Variants in AGAP1 observed in about 807,000 individuals in gnomAD.
AGAP1 encodes arf-GAP with GTPase, ANK repeat and PH domain-containing protein 1.
Under a neutral mutation model 105.3 loss-of-function variants are expected in AGAP1, and 29 were observed. The observed-to-expected ratio is 0.28, with a 90% CI of 0.21 to 0.38. The LOEUF (loss-of-function observed/expected upper bound fraction) is 0.38. AGAP1 is among the 10% of genes least tolerant of loss of function. AGAP1 has a pLI of 1.00. For synonymous variants in AGAP1, 509 were observed against 485.9 expected (o/e 1.05, Z -0.63); for missense variants, 998 against 1,165.1 (o/e 0.86, Z 2.09).
chr2:236,018,045 T>G (rs976416502), intron 13 of AGAP1, among the ~76,000 whole-genome samples: 4 of 152,178 alleles, frequency 2.6e-5, no homozygotes, highest in African/African-American at 9.7e-5. Flanking sequence ...CAAAAATATT[T>G]TATCTTTTGT....
At chr2:235,966,950 A>G (rs1023327390) in intron 12 of AGAP1, among the ~76,000 whole-genome samples, 2 of 152,216 alleles carry the variant, frequency 1.3e-5, no homozygotes, top group East Asian at 1.9e-4. Flanking sequence ...AAAATTTCCT[A>G]GAACTTCACA....
chr2:235,796,481 A>G (rs1575489541), intron 6 of AGAP1, among the ~76,000 whole-genome samples: 1 of 152,184 alleles, frequency 6.6e-6, no homozygotes, highest in Non-Finnish European at 1.5e-5. Context: ...AAATTAATTG[A>G]TATCATCCTT....
At chr2:235,584,836 GT>G (rs1945049560) in intron 1 of AGAP1, among the ~76,000 whole-genome samples, 1 of 146,100 alleles carries the variant, frequency 6.8e-6, no homozygotes, top group Non-Finnish European at 1.5e-5. Context: ...GCTTTTATTC[GT>G]TTTCTCAGCG....
chr2:235,832,478 C>T (rs1054763274), intron 9 of AGAP1, among the ~76,000 whole-genome samples: 4 of 152,280 alleles, frequency 2.6e-5, no homozygotes, highest in East Asian at 1.9e-4. Context: ...TCAACTCTTC[C>T]GATGAGATAA....
intron 14 of AGAP1, among the ~76,000 whole-genome samples, chr2:236,039,274 T>C (rs916754912): frequency 1.3e-5 from 2 of 152,028 alleles, no homozygotes; most frequent in Non-Finnish European, 2.9e-5. Context: ...GGGAGACCAT[T>C]GTCTCTACAA....
intron 9 of AGAP1, among the ~76,000 whole-genome samples, chr2:235,837,227 C>A (rs112851677): frequency 1.1e-4 from 16 of 152,114 alleles, no homozygotes; most frequent in Non-Finnish European, 1.5e-5. Flanking sequence ...TCAGGTGATC[C>A]GCCCACCTCG....
chr2:235,667,766 A>C (rs1373675568), intron 1 of AGAP1, among the ~76,000 whole-genome samples: 1 of 151,896 alleles, frequency 6.6e-6, no homozygotes, highest in Non-Finnish European at 1.5e-5. Context: ...CGAGACCAGC[A>C]TGACCAACAT....
rs1370505410 is a variant in AGAP1 at position 235,535,134 on chromosome 2, G to A, written c.163+40285G>A. On this transcript the variant is annotated intron_variant, in intron 1 of 17. Transcript: ENST00000304032. The surrounding 1 kb of genome is among the most constrained non-coding windows in gnomAD (Gnocchi z 5.1). ...CGCCAGGGCCAATACTTATCCGCAGGGGTGTGTGCCAGGCAGCCCAGGTCA... is the reference window on the plus strand; with the variant it reads ...CGCCAGGGCCAATACTTATCCGCAGAGGTGTGTGCCAGGCAGCCCAGGTCA... Among the ~76,000 whole-genome samples, 1 of 152,140 alleles carries A rather than the reference G, an allele frequency of 6.6e-6. No homozygotes were observed. Among genetic ancestry groups the A allele is most frequent in the African/African-American group, 2.4e-5 (1 of 41,430 alleles).
intron 11 of AGAP1, among the ~76,000 whole-genome samples, chr2:235,922,255 C>T (rs868473886): frequency 1.3e-5 from 2 of 152,278 alleles, no homozygotes; most frequent in African/African-American, 2.4e-5. Context: ...GAATTCTTGT[C>T]AATCATATTC....
intron 1 of AGAP1, among the ~76,000 whole-genome samples, chr2:235,561,739 T>C (rs577971404): frequency 6.6e-6 from 1 of 152,360 alleles, no homozygotes; most frequent in East Asian, 1.9e-4. Context: ...GGATTAGAAC[T>C]GTAATTGACT....
intron 1 of AGAP1, among the ~76,000 whole-genome samples, chr2:235,616,967 T>TA (rs1946327474): frequency 6.6e-6 from 1 of 152,148 alleles, no homozygotes; most frequent in African/African-American, 2.4e-5. Flanking sequence ...TTTTTATTTT[T>TA]TTTTTTTAAG....
Position 235,725,903 on chromosome 2 carries a change from C to CA in AGAP1, c.310+8266dup, listed in dbSNP as rs960708044. Among the ~76,000 whole-genome samples the CA allele has an allele frequency of 7.3e-5, 11 of 150,746 alleles. No homozygotes were observed. The highest frequency in any genetic ancestry group is 2.4e-4 in the African/African-American group (10 of 40,968). On this transcript the variant is annotated intron_variant, in intron 3 of 17. Coordinates refer to ENST00000304032, the MANE Select transcript of AGAP1 (RefSeq NM_001037131.3). The surrounding 1 kb of genome is among the most constrained non-coding windows in gnomAD (Gnocchi z 5.7). Reference sequence around the variant, plus strand: ...GATGCTAACATTATTATTAGATGTTCAAAAAAATAATAAAAGGGAAGCATG... The same window carrying CA: ...GATGCTAACATTATTATTAGATGTTCAAAAAAAATAATAAAAGGGAAGCATG...
Position 235,905,315 on chromosome 2 carries a change from A to T in AGAP1, c.1156-3423A>T, listed in dbSNP as rs2051252408. On this transcript the variant is annotated intron_variant, in intron 10 of 17. Transcript: ENST00000304032. This position sits in a 1 kb window ranked among gnomAD's most constrained non-coding sequence, Gnocchi z 4.2. ...AGGAAGAAAGTTATAGCAAGTTGAT[A>T]TTTTTAAAGGAGTAACTGTGCAAGA... Among the ~76,000 whole-genome samples, 1 of 152,172 alleles carries T rather than the reference A, an allele frequency of 6.6e-6. No individual in the cohort carries two copies. Among genetic ancestry groups the T allele is most frequent in the Non-Finnish European group, 1.5e-5 (1 of 68,036 alleles).
intron 10 of AGAP1, among the ~76,000 whole-genome samples, chr2:235,894,608 C>CTTAA (rs1213392899): frequency 5.8e-5 from 8 of 136,898 alleles, no homozygotes; most frequent in East Asian, 2.2e-4. Context: ...CACATACACA[C>CTTAA]ACACTTAAAC....
intron 16 of AGAP1, among the ~76,000 whole-genome samples, chr2:236,070,771 G>T (rs1031258296): frequency 6.6e-6 from 1 of 152,110 alleles, no homozygotes; most frequent in Non-Finnish European, 1.5e-5. Context: ...CCTGGGCCGG[G>T]GCAGGGGCGG....
chr2:235,624,720 T>C (rs2149276188), intron 1 of AGAP1, among the ~76,000 whole-genome samples: 1 of 152,216 alleles, frequency 6.6e-6, no homozygotes, highest in South Asian at 2.1e-4. Flanking sequence ...GTTTGTCCCC[T>C]TCAAATCTCT....
Position 235,620,081 on chromosome 2 carries a change from A to G in AGAP1, c.164-89098A>G, listed in dbSNP as rs1334140911. 6.6e-6 allele frequency among the ~76,000 whole-genome samples: 1 copy of G among 151,992 alleles called. No individual in the cohort carries two copies. The highest frequency in any genetic ancestry group is 1.5e-5 in the Non-Finnish European group (1 of 67,994). ...CAGCACCTGCCCTCGGCCCCCAGGG[A>G]CCTTCTTTGTCACAGCTGAAGCCCT... On this transcript the variant is annotated intron_variant, in intron 1 of 17. Transcript: ENST00000304032. The surrounding 1 kb of genome is among the most constrained non-coding windows in gnomAD (Gnocchi z 4.5).
At position 235,994,626 on chromosome 2, in the gene AGAP1, G is replaced by A. The variant is rs1235870859; in HGVS notation, c.1645+26003G>A. Among the ~76,000 whole-genome samples the A allele has an allele frequency of 2.6e-5, 4 of 152,064 alleles. No individual in the cohort carries two copies. The highest frequency in any genetic ancestry group is 4.8e-5 in the African/African-American group (2 of 41,404). ...CTTATTCAGTCCCGACTTTCCCAAC[G>A]CCTCGCAGCCCGATGATACAGAGAC... On this transcript the variant is annotated intron_variant, in intron 13 of 17. Coordinates refer to ENST00000304032, the MANE Select transcript of AGAP1 (RefSeq NM_001037131.3). This position sits in a 1 kb window ranked among gnomAD's most constrained non-coding sequence, Gnocchi z 4.4.
intron 9 of AGAP1, among the ~76,000 whole-genome samples, chr2:235,815,643 G>A (rs1247302773): frequency 6.6e-6 from 1 of 152,082 alleles, no homozygotes; most frequent in Non-Finnish European, 1.5e-5. Flanking sequence ...TATAAGGTAA[G>A]GCCACTTGAT....
Sources: allele counts gnomAD v4.1 joint callset (sites outside exome capture counted in the v4.1 genomes callset), GRCh38; gene constraint gnomAD v4.1.1; non-coding constraint Gnocchi (gnomAD v3.1); transcripts MANE v1.5; gene names NCBI Gene and HGNC (gene_info 2026-07-23, HGNC 2026-07-21).